ZC2HC1B: variants seen among roughly 807,000 people sequenced by gnomAD.
ZC2HC1B encodes zinc finger C2HC domain-containing protein 1B.
ZC2HC1B carries 36 observed loss-of-function variants against 31.0 expected under a neutral mutation model. That is an observed-to-expected ratio of 1.16 (90% CI 0.89 to 1.54). The LOEUF is 1.54. Ranked by LOEUF, ZC2HC1B falls within the 40% of genes most tolerant of loss-of-function variation. ZC2HC1B has a pLI of 0.00. For missense variants in ZC2HC1B, 260 were observed against 268.6 expected (o/e 0.97, Z 0.22); for synonymous variants, 73 against 88.0 (o/e 0.83, Z 0.95).
rs578185818 is a variant in ZC2HC1B at position 143,908,794 on chromosome 6, A to T, written c.598+5642A>T. ...TCTTTGTTTTGCCTGATTGCCCTGG[A>T]CAGAACTTCCAGTACTATGTTCAAT... On this transcript the variant is annotated intron_variant, in intron 6 of 7. Transcript: ENST00000237275. This position sits in a 1 kb window ranked among gnomAD's most constrained non-coding sequence, Gnocchi z 4.4. Among the ~76,000 whole-genome samples the T allele has an allele frequency of 6.6e-4, 100 of 152,218 alleles. No individual in the cohort carries two copies. The highest frequency in any genetic ancestry group is 2.2e-3 in the African/African-American group (92 of 41,526).
chr6:143,897,397 G>T (rs1777680352), intron 4 of ZC2HC1B, among the ~76,000 whole-genome samples: 1 of 151,048 alleles, frequency 6.6e-6, no homozygotes, highest in Non-Finnish European at 1.5e-5. Context: ...ACCTAGTTTT[G>T]CTATGAGCAG....
At chr6:143,932,476 C>T (rs1225990051) in intron 6 of ZC2HC1B, among the ~76,000 whole-genome samples, 1 of 152,160 alleles carries the variant, frequency 6.6e-6, no homozygotes, top group Admixed American at 6.5e-5. Flanking sequence ...TTTTGTATTT[C>T]TCTAAGTGTG....
intron 6 of ZC2HC1B, among the ~76,000 whole-genome samples, chr6:143,910,625 T>A (rs1777845308): frequency 6.6e-6 from 1 of 152,236 alleles, no homozygotes; most frequent in South Asian, 2.1e-4. Flanking sequence ...TCTAAGAACT[T>A]GCTTTATGAA....
At chr6:143,926,237 C>G (rs1778040295) in intron 6 of ZC2HC1B, among the ~76,000 whole-genome samples, 1 of 152,092 alleles carries the variant, frequency 6.6e-6, no homozygotes, top group Non-Finnish European at 1.5e-5. Flanking sequence ...AATGTTTCTA[C>G]TTCTTGATAT....
rs889518751 is a variant in ZC2HC1B at position 143,886,941 on chromosome 6, A to G, written c.349+120A>G. ...ACATAGAAGTAATTTTATTAATTAT[A>G]TAAAAGTAAACATCCTATTTTTTTC... On this transcript the variant is annotated intron_variant, in intron 4 of 7. Transcript: ENST00000237275. The surrounding 1 kb of genome is among the most constrained non-coding windows in gnomAD (Gnocchi z 4.2). The G allele has an allele frequency of 1.1e-5, 11 of 1,029,928 alleles. No individual in the cohort carries two copies. Among genetic ancestry groups the G allele is most frequent in the Middle Eastern group, 2.5e-4 (1 of 3,964 alleles). The allele number at this position is 1,029,928 out of a possible 1,614,324, so 63.8% of individuals were successfully genotyped here.
chr6:143,926,008 C>T (rs1462103170), intron 6 of ZC2HC1B, among the ~76,000 whole-genome samples: 1 of 152,090 alleles, frequency 6.6e-6, no homozygotes, highest in Non-Finnish European at 1.5e-5. Flanking sequence ...CATCCTCTCT[C>T]TTATTTTCTT....
chr6:143,918,463 C>A lies in ZC2HC1B; in HGVS notation c.598+15311C>A, dbSNP rs908420960. ...TGAACATTCCTGGTTTGTGACAGGTCATTTTTTTTCTTGCTACTCTGATTA... is the reference window on the plus strand; with the variant it reads ...TGAACATTCCTGGTTTGTGACAGGTAATTTTTTTTCTTGCTACTCTGATTA... On this transcript the variant is annotated intron_variant, in intron 6 of 7. Coordinates refer to ENST00000237275, the MANE Select transcript of ZC2HC1B (RefSeq NM_001013623.3). This position sits in a 1 kb window ranked among gnomAD's most constrained non-coding sequence, Gnocchi z 4.1. Among the ~76,000 whole-genome samples, 5 of 152,040 alleles carry A rather than the reference C, an allele frequency of 3.3e-5. No individual in the cohort carries two copies. The highest frequency in any genetic ancestry group is 1.2e-4 in the African/African-American group (5 of 41,408).
At chr6:143,867,361 T>C (rs1777277508) in intron 1 of ZC2HC1B, among the ~76,000 whole-genome samples, 1 of 152,186 alleles carries the variant, frequency 6.6e-6, no homozygotes, top group South Asian at 2.1e-4. Context: ...GATGAAAGCA[T>C]CCTAGGGAAG....
chr6:143,905,993 G>A lies in ZC2HC1B; in HGVS notation c.598+2841G>A, dbSNP rs1219687198. The stretch of plus-strand genomic sequence containing the variant: ...AGGATTTTTGCATTAATGTTCATAA[G>A]AGATGTAGTTTTCTTATAGCATCTT... On this transcript the variant is annotated intron_variant, in intron 6 of 7. Transcript: ENST00000237275. The surrounding 1 kb of genome is among the most constrained non-coding windows in gnomAD (Gnocchi z 4.2). Among the ~76,000 whole-genome samples, 1 of 152,150 alleles carries A rather than the reference G, an allele frequency of 6.6e-6. No individual in the cohort carries two copies. Among genetic ancestry groups the A allele is most frequent in the African/African-American group, 2.4e-5 (1 of 41,436 alleles).
At chr6:143,902,497 C>A (rs1777748442) in intron 5 of ZC2HC1B, among the ~76,000 whole-genome samples, 1 of 152,022 alleles carries the variant, frequency 6.6e-6, no homozygotes, top group Non-Finnish European at 1.5e-5. Context: ...GAGGTGGGAT[C>A]AGTGGCAAGA....
Position 143,923,694 on chromosome 6 carries a change from A to G in ZC2HC1B, c.599-13955A>G, listed in dbSNP as rs1778005677. 6.6e-6 allele frequency among the ~76,000 whole-genome samples: 1 copy of G among 151,924 alleles called. No individual in the cohort carries two copies. The highest frequency in any genetic ancestry group is 1.5e-5 in the Non-Finnish European group (1 of 67,894). ...GATATCCAGTTTTCCCTGTACCATT[A>G]TTGAAGAGGATGCCTTTCCCCAATT... On this transcript the variant is annotated intron_variant, in intron 6 of 7. Coordinates refer to ENST00000237275, the MANE Select transcript of ZC2HC1B (RefSeq NM_001013623.3). This position sits in a 1 kb window ranked among gnomAD's most constrained non-coding sequence, Gnocchi z 4.8.
At chr6:143,902,601 G>A (rs542510853) in intron 5 of ZC2HC1B, among the ~76,000 whole-genome samples, 2 of 152,156 alleles carry the variant, frequency 1.3e-5, no homozygotes, top group South Asian at 4.1e-4. Flanking sequence ...ATGGTGTAGG[G>A]ATGTTGGAAT....
At chr6:143,930,381 CTTTTTTTTT>C (rs34308015) in intron 6 of ZC2HC1B, among the ~76,000 whole-genome samples, 4 of 111,772 alleles carry the variant, frequency 3.6e-5, no homozygotes, top group Non-Finnish European at 5.2e-5. Context: ...TTGAGAGTTT[CTTTTTTTTT>C]TTTTTTTTTT....
intron 6 of ZC2HC1B, among the ~76,000 whole-genome samples, chr6:143,936,328 T>G (rs1778177845): frequency 6.6e-6 from 1 of 152,202 alleles, no homozygotes; most frequent in South Asian, 2.1e-4. Context: ...CATATCTCTA[T>G]TTTACAGATG....
chr6:143,910,492 A>G (rs1319275524), intron 6 of ZC2HC1B, among the ~76,000 whole-genome samples: 1 of 152,250 alleles, frequency 6.6e-6, no homozygotes, highest in Non-Finnish European at 1.5e-5. Context: ...CACTTGATCC[A>G]GAGCTGAGTT....
chr6:143,935,136 G>GTGC (rs1778161288), intron 6 of ZC2HC1B, among the ~76,000 whole-genome samples: 1 of 92,092 alleles, frequency 1.1e-5, no homozygotes, highest in Non-Finnish European at 2.1e-5. Flanking sequence ...GCAGATGCTG[G>GTGC]TGGTGGTGGG....
rs952973423 is a variant in ZC2HC1B at position 143,908,298 on chromosome 6, T to TC, written c.598+5147dup. Reference sequence around the variant, plus strand: ...TCATATGAATTTTAAAATAGTTTTTTCTAATTCTGTGAAGAATGTCAATGG... The same window carrying TC: ...TCATATGAATTTTAAAATAGTTTTTTCCTAATTCTGTGAAGAATGTCAATGG... On this transcript the variant is annotated intron_variant, in intron 6 of 7. Coordinates refer to ENST00000237275, the MANE Select transcript of ZC2HC1B (RefSeq NM_001013623.3). The surrounding 1 kb of genome is among the most constrained non-coding windows in gnomAD (Gnocchi z 4.4). Among the ~76,000 whole-genome samples the TC allele has an allele frequency of 3.3e-5, 5 of 152,156 alleles. No individual in the cohort carries two copies. Among genetic ancestry groups the TC allele is most frequent in the African/African-American group, 1.2e-4 (5 of 41,506 alleles).
At chr6:143,891,666 C>A (rs571431463) in intron 4 of ZC2HC1B, among the ~76,000 whole-genome samples, 1 of 143,328 alleles carries the variant, frequency 7.0e-6, no homozygotes, top group Non-Finnish European at 1.5e-5. Flanking sequence ...GCACTCCAGT[C>A]TGGGTGACAA....
Position 143,934,405 on chromosome 6 carries a change from C to T in ZC2HC1B, c.599-3244C>T, listed in dbSNP as rs531319475. ...GCCATCTTCCCTCTCTTTCAATATG[C>T]TTTTTTAATATTATGATTTTGAATT... On this transcript the variant is annotated intron_variant, in intron 6 of 7. Transcript: ENST00000237275. This position sits in a 1 kb window ranked among gnomAD's most constrained non-coding sequence, Gnocchi z 4.6. 1.4e-4 allele frequency among the ~76,000 whole-genome samples: 22 copies of T among 152,248 alleles called. No individual in the cohort carries two copies. The highest frequency in any genetic ancestry group is 2.1e-4 in the South Asian group (1 of 4,824).
Sources: allele counts gnomAD v4.1 joint callset (sites outside exome capture counted in the v4.1 genomes callset), GRCh38; gene constraint gnomAD v4.1.1; non-coding constraint Gnocchi (gnomAD v3.1); transcripts MANE v1.5; gene names NCBI Gene and HGNC (gene_info 2026-07-23, HGNC 2026-07-21).